PLEKHM3: variants seen among roughly 807,000 people sequenced by gnomAD.
The protein encoded by PLEKHM3 is pleckstrin homology domain containing M3.
Under a neutral mutation model 81.8 loss-of-function variants are expected in PLEKHM3, and 45 were observed. The observed-to-expected ratio is 0.55, with a 90% confidence interval of 0.43 to 0.71. The LOEUF is 0.71. PLEKHM3 is among the 30% of genes least tolerant of loss of function. The pLI, the probability that PLEKHM3 is intolerant of heterozygous loss-of-function variation, is 0.00. For synonymous variants in PLEKHM3, 352 were observed against 356.4 expected (o/e 0.99, Z 0.14); for missense variants, 788 against 924.3 (o/e 0.85, Z 1.91).
chr2:207,997,963 G>C (rs1244103151), intron 2 of PLEKHM3, among the ~76,000 whole-genome samples: 1 of 152,102 alleles, frequency 6.6e-6, no homozygotes, highest in Non-Finnish European at 1.5e-5. Context: ...ATTTTGACTA[G>C]TTGGCACCTG....
chr2:207,825,330 C>G lies in PLEKHM3; in HGVS notation c.*2989G>C, dbSNP rs995559367. ...GTGATACACTAGGGAATGAGCCTTTCAGCAAAAAGCGGTTCCCCGGAGTCA... is the reference window on the plus strand; with the variant it reads ...GTGATACACTAGGGAATGAGCCTTTGAGCAAAAAGCGGTTCCCCGGAGTCA... On this transcript the variant is annotated 3_prime_UTR_variant, in exon 8 of 8. Coordinates refer to ENST00000427836, the MANE Select transcript of PLEKHM3 (RefSeq NM_001080475.3). 31 of 152,244 alleles carry G rather than the reference C, an allele frequency of 2.0e-4. No homozygotes were observed. The highest frequency in any genetic ancestry group is 7.5e-4 in the African/African-American group (31 of 41,560). 9.4% of individuals were successfully genotyped at this position (152,244 alleles called of 1,614,324 possible).
chr2:207,824,684 C>T lies in PLEKHM3; in HGVS notation c.*3635G>A, dbSNP rs989366952. On this transcript the variant is annotated 3_prime_UTR_variant, in exon 8 of 8. Coordinates refer to ENST00000427836, the MANE Select transcript of PLEKHM3 (RefSeq NM_001080475.3). ...ACAGAAAAGAACTATCCGATGTCCA[C>T]GTTCAGTGTGTACACACAACACACA... The T allele has an allele frequency of 6.6e-6, 1 of 152,230 alleles. No homozygotes were observed. The highest frequency in any genetic ancestry group is 1.5e-5 in the Non-Finnish European group (1 of 68,048). The allele number at this position is 152,230 out of a possible 1,614,324, so 9.4% of individuals were successfully genotyped here.
At chr2:207,981,384 C>T (rs1259720022) in intron 2 of PLEKHM3, among the ~76,000 whole-genome samples, 1 of 152,264 alleles carries the variant, frequency 6.6e-6, no homozygotes, top group East Asian at 1.9e-4. Flanking sequence ...TGCACTGTCA[C>T]CAAGGCTGGA....
At chr2:207,903,090 C>T (rs371130941) in intron 6 of PLEKHM3, among the ~76,000 whole-genome samples, 37 of 152,296 alleles carry the variant, frequency 2.4e-4, no homozygotes, top group African/African-American at 8.9e-4. Flanking sequence ...AAATTCCAGA[C>T]TTTCCTGTCC....
intron 5 of PLEKHM3, among the ~76,000 whole-genome samples, 170 bp downstream of exon 5, chr2:207,930,756 A>C (rs555902412): frequency 2.2e-3 from 329 of 152,268 alleles, no homozygotes; most frequent in Middle Eastern, 6.8e-3. Context: ...CCTTGGAGTA[A>C]AAAAAGTAAA....
chr2:207,886,428 C>G (rs571411670), intron 6 of PLEKHM3, among the ~76,000 whole-genome samples: 3 of 152,276 alleles, frequency 2.0e-5, no homozygotes, highest in Admixed American at 6.5e-5. Flanking sequence ...GTGAAAACAC[C>G]TTTCCAGGTA....
chr2:207,917,107 A>G (rs934727539), intron 5 of PLEKHM3, among the ~76,000 whole-genome samples: 1 of 152,206 alleles, frequency 6.6e-6, no homozygotes, highest in Non-Finnish European at 1.5e-5. Flanking sequence ...ATCTAATGGA[A>G]AAGAATTCTT....
chr2:207,829,814 C>T (rs1039653379), intron 7 of PLEKHM3, among the ~76,000 whole-genome samples: 1 of 152,084 alleles, frequency 6.6e-6, no homozygotes, highest in African/African-American at 2.4e-5. Context: ...GAGGGCTCAG[C>T]CTCAGGCTTC....
At chr2:207,859,429 C>T (rs1225454666) in intron 7 of PLEKHM3, among the ~76,000 whole-genome samples, 6 of 151,940 alleles carry the variant, frequency 3.9e-5, no homozygotes, top group African/African-American at 1.2e-4. Context: ...TGAGCCACCA[C>T]GCCCGGCTAC....
At chr2:207,915,000 G>A (rs747346226) in intron 5 of PLEKHM3, among the ~76,000 whole-genome samples, 2 of 152,126 alleles carry the variant, frequency 1.3e-5, no homozygotes, top group East Asian at 3.9e-4. Flanking sequence ...CACTTCACTC[G>A]CCCATCAAAG....
intron 7 of PLEKHM3, among the ~76,000 whole-genome samples, chr2:207,849,796 A>G (rs1559206442): frequency 1.3e-5 from 2 of 152,232 alleles, no homozygotes; most frequent in Admixed American, 6.5e-5. Flanking sequence ...TAGTTTATTT[A>G]AAAAATGTTG....
In PLEKHM3 at chr2:207,828,329, T is replaced by C. The variant is rs777959931; in HGVS notation, c.2276A>G (p.Gln759Arg). The C allele has an allele frequency of 6.8e-6, 11 of 1,611,072 alleles. No homozygotes were observed. The Admixed American group carries it at 1.5e-4, about 22-fold the overall frequency. ...EACTMFELSY[Q>R]NT is the part of the protein sequence containing the mutation. ...TCGGGTCGGCTGGAGTCAGGTGTTC[T>C]GGTAGGACAGCTCGAACATGGTGCA... The change falls in exon 8 of 8, where the codon CAG becomes CGG. Residue 759 changes from glutamine (Q) to arginine (R), a missense_variant. By Grantham distance (43) the Gln-to-Arg change is conservative. Transcript: ENST00000427836.
At chr2:207,926,806 A>G (rs1689409381) in intron 5 of PLEKHM3, among the ~76,000 whole-genome samples, 1 of 152,220 alleles carries the variant, frequency 6.6e-6, no homozygotes, top group African/African-American at 2.4e-5. Flanking sequence ...AACAGTGAGG[A>G]TGAATACCGG....
intron 5 of PLEKHM3, among the ~76,000 whole-genome samples, chr2:207,913,708 T>C (rs1052774356): frequency 4.8e-5 from 7 of 147,164 alleles, no homozygotes; most frequent in African/African-American, 1.7e-4. Flanking sequence ...AAGAAGGATG[T>C]AGGACTAAGA....
chr2:207,874,739 A>T (rs922386640), intron 6 of PLEKHM3, among the ~76,000 whole-genome samples: 2 of 151,652 alleles, frequency 1.3e-5, no homozygotes, highest in Non-Finnish European at 2.9e-5. Context: ...CTACAGGTGC[A>T]CACCACCATG....
chr2:207,850,133 C>A (rs1305742823), intron 7 of PLEKHM3, among the ~76,000 whole-genome samples: 1 of 152,180 alleles, frequency 6.6e-6, no homozygotes, highest in African/African-American at 2.4e-5. Flanking sequence ...CCAATCCCTC[C>A]AGAACTCATC....
intron 2 of PLEKHM3, among the ~76,000 whole-genome samples, chr2:207,990,480 C>G (rs1691864282): frequency 6.6e-6 from 1 of 152,158 alleles, no homozygotes; most frequent in Non-Finnish European, 1.5e-5. Flanking sequence ...TAATAAAATA[C>G]AGTTTTCCAA....
At chr2:207,925,782 G>T (rs774649700) in intron 5 of PLEKHM3, among the ~76,000 whole-genome samples, 32 of 152,102 alleles carry the variant, frequency 2.1e-4, no homozygotes, top group Non-Finnish European at 4.3e-4. Context: ...CCTGAGGGGC[G>T]CATTGTAATG....
intron 5 of PLEKHM3, among the ~76,000 whole-genome samples, chr2:207,909,731 A>T (rs1688752526): frequency 6.6e-6 from 1 of 152,202 alleles, no homozygotes; most frequent in Non-Finnish European, 1.5e-5. Context: ...AGAGCCCATA[A>T]ATCAGTATTA....
Sources: allele counts gnomAD v4.1 joint callset (sites outside exome capture counted in the v4.1 genomes callset), GRCh38; gene constraint gnomAD v4.1.1; transcripts MANE v1.5; gene names NCBI Gene and HGNC (gene_info 2026-07-23, HGNC 2026-07-21).